Variants in SPOUT1 observed in about 807,000 individuals in gnomAD.
SPOUT1 encodes the protein 28S rRNA (uridine-N(3))-methyltransferase.
A neutral mutation model predicts 54.8 loss-of-function variants in SPOUT1; 40 were observed. The ratio of observed to expected loss-of-function variants is 0.73; its 90% CI spans 0.57 to 0.95. The LOEUF is 0.95. SPOUT1 is among the 40% of genes least tolerant of loss of function. The pLI is 0.00. For synonymous variants in SPOUT1, 193 were observed against 200.3 expected (o/e 0.96, Z 0.31); for missense variants, 437 against 499.5 (o/e 0.87, Z 1.19).
chr9:128,823,651 C>CGGGCAA (rs1251057836), intron 11 of SPOUT1, 96 bp downstream of exon 11: 24 of 1,165,568 alleles, frequency 2.1e-5, no homozygotes, highest in Non-Finnish European at 2.9e-5. Context: ...AAGGCAGCCA[C>CGGGCAA]GGGCAAGGGT....
At position 128,826,485 on chromosome 9, in the gene SPOUT1, C is replaced by G. The variant is rs757207137; in HGVS notation, c.459-52G>C. ...GTTCCCAGGGGAAGCCGCCTCCTACCTGGTCTCCACTTTGACACACCCCTC... is the reference window on the plus strand; with the variant it reads ...GTTCCCAGGGGAAGCCGCCTCCTACGTGGTCTCCACTTTGACACACCCCTC... On this transcript the variant is annotated intron_variant, in intron 5 of 11. Transcript: ENST00000361256. This position sits in a 1 kb window ranked among gnomAD's most constrained non-coding sequence, Gnocchi z 5.5. 1 of 1,611,308 alleles carries G rather than the reference C, an allele frequency of 6.2e-7. No individual in the cohort carries two copies. Among genetic ancestry groups the G allele is most frequent in the Admixed American group, 1.7e-5 (1 of 60,002 alleles).
In SPOUT1 at chr9:128,826,421, C is replaced by T; in HGVS notation, c.471G>A (p.Lys157=). The part of the protein sequence containing the change: ...QYLECPQYLR[K]AFFPKHQDLQ... ...GATCCTGGTGCTTGGGGAAGAACGC[C>T]TTCCTCAGGTACCTAGGAAAGAATG... The change falls in exon 6 of 12, where the codon AAG becomes AAA. Residue 157 remains lysine (K), a synonymous_variant. Coordinates refer to ENST00000361256, the MANE Select transcript of SPOUT1 (RefSeq NM_016390.4). This position sits in a 1 kb window ranked among gnomAD's most constrained non-coding sequence, Gnocchi z 5.5. 1 of 1,614,102 alleles carries T rather than the reference C, an allele frequency of 6.2e-7. No homozygotes were observed. Among genetic ancestry groups the T allele is most frequent in the Non-Finnish European group, 8.5e-7 (1 of 1,179,996 alleles).
At chr9:128,824,917 A>C (rs1442021086) in intron 8 of SPOUT1, 48 bp from the exon 9 acceptor site, 17 of 1,597,162 alleles carry the variant, frequency 1.1e-5, no homozygotes, top group Non-Finnish European at 1.3e-5. Flanking sequence ...GAATGGAAGC[A>C]GGTGGCTGAA....
intron 9 of SPOUT1, 142 bp from the exon 10 acceptor site, chr9:128,824,316 G>A: frequency 1.6e-6 from 1 of 613,178 alleles, no homozygotes; most frequent in South Asian, 1.8e-5. Context: ...GTGTACTAAG[G>A]TAGGGGTGGG....
intron 2 of SPOUT1, 112 bp downstream of exon 2, chr9:128,828,998 A>G (rs1830296591): frequency 1.0e-5 from 15 of 1,504,086 alleles, no homozygotes; most frequent in African/African-American, 1.4e-5. Context: ...CTGCCTCCCC[A>G]CTTTGTGTGC....
At chr9:128,823,650 A>G (rs1830173249) in intron 11 of SPOUT1, 97 bp downstream of exon 11, 5 of 1,151,170 alleles carry the variant, frequency 4.3e-6, no homozygotes, top group East Asian at 2.5e-5. Flanking sequence ...CAAGGCAGCC[A>G]CGGGCAAGGG....
rs1045610872 is a variant in SPOUT1, at chr9:128,821,053, TCTC to T, written c.*1709_*1711del. 1.7e-6 allele frequency: 1 copy of T among 587,404 alleles called. No individual in the cohort carries two copies. The highest frequency in any genetic ancestry group is 1.9e-5 in the African/African-American group (1 of 53,510). 36.4% of individuals were successfully genotyped at this position (587,404 alleles called of 1,614,324 possible). On this transcript the variant is annotated 3_prime_UTR_variant, in exon 12 of 12. Transcript: ENST00000361256. ...GACCTGTCGGGTACCCCTGACCATC[TCTC>T]CTCTGCCCATGGGCAGCAGCAGGCC...
chr9:128,820,416 T>C lies in SPOUT1; in HGVS notation c.*2349A>G, dbSNP rs1475201586. 2 of 285,920 alleles carry C rather than the reference T, an allele frequency of 7.0e-6. No homozygotes were observed. Among genetic ancestry groups the C allele is most frequent in the African/African-American group, 2.2e-5 (1 of 46,154 alleles). 17.7% of individuals were successfully genotyped at this position (285,920 alleles called of 1,614,324 possible). On this transcript the variant is annotated 3_prime_UTR_variant, in exon 12 of 12. Coordinates refer to ENST00000361256, the MANE Select transcript of SPOUT1 (RefSeq NM_016390.4). ...ACGGGTTGGTAGTTGGAAGGGCTGG[T>C]CTTCCCAGGAGACCCTGGGTGGGGC...
At position 128,826,382 on chromosome 9, in the gene SPOUT1, ACCTGCAAACTGTAGAT is replaced by A; in HGVS notation, c.494_508+1del. The stretch of plus-strand genomic sequence containing the variant: ...TGGGGGGGCGGGCCCATACAGCGTT[ACCTGCAAACTGTAGAT>A]CCTGGTGCTTGGGGAAGAACGCCTT... On this transcript the variant is annotated splice_donor_variant and coding_sequence_variant, in exon 6 of 12. Transcript: ENST00000361256. LOFTEE classifies it high-confidence loss of function. This position sits in a 1 kb window ranked among gnomAD's most constrained non-coding sequence, Gnocchi z 5.5. The A allele has an allele frequency of 2.5e-6, 4 of 1,613,976 alleles. No individual in the cohort carries two copies. The highest frequency in any genetic ancestry group is 3.4e-6 in the Non-Finnish European group (4 of 1,179,900).
rs1172276380 is a variant in SPOUT1, at chr9:128,826,136, C to T, written c.525G>A (p.Leu175=). The part of the protein sequence containing the change: ...DLQFAGLLNP[L]DSPHHMRQDE... The stretch of plus-strand genomic sequence containing the variant: ...CCTGACGCATGTGGTGGGGGCTGTC[C>T]AGGGGGTTCAGGAGCCCTGTGGAGG... The change falls in exon 7 of 12, where the codon CTG becomes CTA. Residue 175 remains leucine (L), a synonymous_variant. Transcript: ENST00000361256. The surrounding 1 kb of genome is among the most constrained non-coding windows in gnomAD (Gnocchi z 5.5). The T allele has an allele frequency of 6.2e-7, 1 of 1,608,098 alleles. No individual in the cohort carries two copies.
Position 128,821,469 on chromosome 9 carries a change from GTC to G in SPOUT1, c.*1294_*1295del, listed in dbSNP as rs953433659. Reference sequence around the variant, plus strand: ...GGTGCACCAGGCTCTCCCGCCTTCAGTCTCTGCTCTGCTTGGAGCACTTCCCT... The same window carrying G: ...GGTGCACCAGGCTCTCCCGCCTTCAGTCTGCTCTGCTTGGAGCACTTCCCT... On this transcript the variant is annotated 3_prime_UTR_variant, in exon 12 of 12. Coordinates refer to ENST00000361256, the MANE Select transcript of SPOUT1 (RefSeq NM_016390.4). 5.9e-4 allele frequency: 95 copies of G among 159,906 alleles called. No individual in the cohort carries two copies. The highest frequency in any genetic ancestry group is 2.3e-3 in the African/African-American group (94 of 41,414). The allele number at this position is 159,906 out of a possible 1,614,324, so 9.9% of individuals were successfully genotyped here. A position where few individuals can be genotyped will look rare whatever the true frequency, so the allele number is the denominator to read the frequency against.
chr9:128,822,696 G>C lies in SPOUT1; in HGVS notation c.*69C>G, dbSNP rs529251603. On this transcript the variant is annotated 3_prime_UTR_variant, in exon 12 of 12. Coordinates refer to ENST00000361256, the MANE Select transcript of SPOUT1 (RefSeq NM_016390.4). Reference sequence around the variant, plus strand: ...TTTGGAGACAAGTCTGGTGGCGTCCGTCCCAAGTGACCTGCAGAGCCCCTG... The same window carrying C: ...TTTGGAGACAAGTCTGGTGGCGTCCCTCCCAAGTGACCTGCAGAGCCCCTG... 55 of 1,553,672 alleles carry C rather than the reference G, an allele frequency of 3.5e-5. No homozygotes were observed. Among genetic ancestry groups the C allele is most frequent in the Non-Finnish European group, 4.6e-5 (53 of 1,147,948 alleles).
At position 128,825,160 on chromosome 9, in the gene SPOUT1, C is replaced by G. The variant is rs926104227; in HGVS notation, c.640-111G>C. 5.5e-6 allele frequency: 4 copies of G among 730,852 alleles called. No homozygotes were observed. The African/African-American group carries it at 7.0e-5, about 13-fold the overall frequency. The allele number at this position is 730,852 out of a possible 1,614,324, so 45.3% of individuals were successfully genotyped here. On this transcript the variant is annotated intron_variant, in intron 7 of 11. Coordinates refer to ENST00000361256, the MANE Select transcript of SPOUT1 (RefSeq NM_016390.4). ...CGGGGCTGGCAAGGGACCAAGGGGT[C>G]CAGGTCAACCTGCCACCCTCCACCC...
In SPOUT1 at chr9:128,829,753, A is replaced by T. The variant is rs1830316676; in HGVS notation, c.28T>A (p.Cys10Ser). Residue 10 changes from cysteine (C) to serine (S), a missense_variant, in exon 1 of 12, where the codon TGC (cysteine) becomes AGC (serine). By Grantham distance (112) the Cys-to-Ser change is moderately radical (BLOSUM62 -1). Transcript: ENST00000361256. MAERGRKRP[C>S]GPGEHGQRIE... ...CCGCCGCCCGCACTTACCGGGCCGC[A>T]CGGCCGCTTCCTGCCGCGCTCCGCC... is the stretch of plus-strand genomic sequence containing the variant. 1.1e-5 allele frequency: 17 copies of T among 1,601,806 alleles called. No homozygotes were observed. Among genetic ancestry groups the T allele is most frequent in the Non-Finnish European group, 1.4e-5 (17 of 1,175,168 alleles).
chr9:128,826,378 C>T lies in SPOUT1; in HGVS notation c.508+6G>A, dbSNP rs201619991. The T allele has an allele frequency of 2.1e-5, 34 of 1,613,886 alleles. No homozygotes were observed. The highest frequency in any genetic ancestry group is 6.6e-5 in the South Asian group (6 of 91,070). On this transcript the variant is annotated splice_donor_region_variant and intron_variant, in intron 6 of 11. Transcript: ENST00000361256. This position sits in a 1 kb window ranked among gnomAD's most constrained non-coding sequence, Gnocchi z 5.5. Reference sequence around the variant, plus strand: ...GAAATGGGGGGGCGGGCCCATACAGCGTTACCTGCAAACTGTAGATCCTGG... The same window carrying T: ...GAAATGGGGGGGCGGGCCCATACAGTGTTACCTGCAAACTGTAGATCCTGG...
At chr9:128,824,299 T>TGTGC (rs1564435232) in intron 9 of SPOUT1, 125 bp from the exon 10 acceptor site, 4 of 544,818 alleles carry the variant, frequency 7.3e-6, no homozygotes, top group Non-Finnish European at 1.3e-5. Context: ...TGTGTGTGTG[T>TGTGC]GCGTGTGTGT....
chr9:128,820,896 C>T lies in SPOUT1; in HGVS notation c.*1869G>A, dbSNP rs1158112388. ...GGCAGAACCTCCCACTCACCTGAGG[C>T]CCCTACTGCCACTCACAGGGCCAGG... On this transcript the variant is annotated 3_prime_UTR_variant, in exon 12 of 12. Coordinates refer to ENST00000361256, the MANE Select transcript of SPOUT1 (RefSeq NM_016390.4). 1 of 1,498,276 alleles carries T rather than the reference C, an allele frequency of 6.7e-7. No homozygotes were observed. The highest frequency in any genetic ancestry group is 9.1e-7 in the Non-Finnish European group (1 of 1,095,058). The allele number at this position is 1,498,276 out of a possible 1,614,324, so 92.8% of individuals were successfully genotyped here.
At chr9:128,825,087 C>T (rs1404119499) in intron 7 of SPOUT1, 38 bp from the exon 8 acceptor site, 2 of 1,469,744 alleles carry the variant, frequency 1.4e-6, no homozygotes, top group Admixed American at 3.9e-5. Context: ...CCATTCCTCT[C>T]AAGATCAGCA....
In SPOUT1 at chr9:128,824,999, T is replaced by G; in HGVS notation, c.690A>C (p.Arg230=). 1 of 1,592,388 alleles carries G rather than the reference T, an allele frequency of 6.3e-7. No homozygotes were observed. The highest frequency in any genetic ancestry group is 8.6e-7 in the Non-Finnish European group (1 of 1,168,796). ...TACCTGGGTGCTGCTGCTGGTTCAG[T>G]CGCACAGTCACCCGAAGCCCGGGCT... ...NLEPGLRVTV[R]LNQQQHPDCK... Residue 230 remains arginine, a synonymous_variant, in exon 8 of 12, where the codon CGA becomes CGC. Coordinates refer to ENST00000361256, the MANE Select transcript of SPOUT1 (RefSeq NM_016390.4).
Sources: allele counts gnomAD v4.1 joint callset, GRCh38; gene constraint gnomAD v4.1.1; non-coding constraint Gnocchi (gnomAD v3.1); transcripts MANE v1.5; gene names NCBI Gene and HGNC (gene_info 2026-07-23, HGNC 2026-07-21).